Variants in XYLB observed in about 807,000 individuals in gnomAD.
The protein encoded by XYLB is xylulokinase.
A neutral mutation model predicts 78.7 loss-of-function variants in XYLB; 62 were observed. That is an observed-to-expected ratio of 0.79 (90% CI 0.64 to 0.97). The LOEUF (loss-of-function observed/expected upper bound fraction) is 0.97. Ranked by LOEUF, XYLB falls within the 50% of genes least tolerant of loss-of-function variation. The probability of loss-of-function intolerance (pLI) is 0.00; values close to 1 mark genes in which losing one functional copy is unlikely to be tolerated. For synonymous variants in XYLB, 245 were observed against 247.4 expected (o/e 0.99, Z 0.09); for missense variants, 687 against 676.8 (o/e 1.02, Z -0.17).
At chr3:38,421,786 G>T (rs1708986592), downstream of XYLB, among the ~76,000 whole-genome samples, 2 of 152,084 alleles carry the variant, frequency 1.3e-5, no homozygotes, top group Admixed American at 6.5e-5. Flanking sequence ...GTAGGGAGAG[G>T]TTTGTCCCTA....
chr3:38,380,424 C>A (rs891675476), intron 15 of XYLB, among the ~76,000 whole-genome samples: 8 of 152,100 alleles, frequency 5.3e-5, no homozygotes, highest in African/African-American at 1.9e-4. Flanking sequence ...CCTATAGAGT[C>A]CAGGTTTCTA....
intron 4 of XYLB, among the ~76,000 whole-genome samples, chr3:38,364,712 G>A (rs1214206588): frequency 3.5e-5 from 1 of 28,532 alleles, no homozygotes; most frequent in Non-Finnish European, 1.4e-4. Context: ...TGTCACTGCA[G>A]CTCCATAGGG....
At chr3:38,394,216 A>G (rs1317199545) in intron 15 of XYLB, among the ~76,000 whole-genome samples, 2 of 152,200 alleles carry the variant, frequency 1.3e-5, no homozygotes, top group African/African-American at 4.8e-5. Flanking sequence ...AACAATTTCA[A>G]CTTTTTCTTA....
chr3:38,374,911 A>G (rs1459065806), intron 11 of XYLB, among the ~76,000 whole-genome samples: 2 of 152,182 alleles, frequency 1.3e-5, no homozygotes, highest in African/African-American at 4.8e-5. Context: ...ATTTAGATGC[A>G]GTTGTGGGAA....
At chr3:38,354,139 T>C (rs1158661570) in intron 2 of XYLB, among the ~76,000 whole-genome samples, 2 of 151,686 alleles carry the variant, frequency 1.3e-5, no homozygotes, top group East Asian at 3.9e-4. Context: ...AGTGGCATGA[T>C]CTCGGCTCAC....
chr3:38,384,892 A>G (rs1316064752), intron 15 of XYLB, among the ~76,000 whole-genome samples: 1 of 152,178 alleles, frequency 6.6e-6, no homozygotes, highest in Admixed American at 6.5e-5. Flanking sequence ...CCATAACAGT[A>G]TGTACAGGTC....
intron 15 of XYLB, among the ~76,000 whole-genome samples, chr3:38,387,714 T>A (rs1707449307): frequency 6.6e-6 from 1 of 152,218 alleles, no homozygotes; most frequent in Non-Finnish European, 1.5e-5. Context: ...TATTCATGTT[T>A]CTGCTGTAGA....
intron 2 of XYLB, among the ~76,000 whole-genome samples, chr3:38,354,865 A>G (rs551345930): frequency 2.0e-5 from 3 of 152,330 alleles, no homozygotes; most frequent in South Asian, 2.1e-4. Flanking sequence ...AGAATTGACA[A>G]CTTTATGAGA....
intron 14 of XYLB, 136 bp from the exon 15 acceptor site, chr3:38,379,110 G>C: frequency 5.1e-6 from 4 of 778,628 alleles, no homozygotes; most frequent in Non-Finnish European, 8.8e-6. Flanking sequence ...GACAGGCAAA[G>C]ATAGTGGTTA....
chr3:38,442,511 G>A, the XYLB span, among the ~76,000 whole-genome samples: 1 of 152,182 alleles, frequency 6.6e-6, no homozygotes, highest in Non-Finnish European at 1.5e-5. Flanking sequence ...GGGAGTCACA[G>A]TGCAGGGGAA....
At chr3:38,430,987 A>G in the XYLB span, among the ~76,000 whole-genome samples, 2 of 152,192 alleles carry the variant, frequency 1.3e-5, no homozygotes, top group East Asian at 1.9e-4. Flanking sequence ...GTCAGGTAGC[A>G]TGATGCCTCC....
At chr3:38,407,553 T>A (rs1329340494) in intron 18 of XYLB, among the ~76,000 whole-genome samples, 1 of 151,516 alleles carries the variant, frequency 6.6e-6, no homozygotes, top group East Asian at 1.9e-4. Flanking sequence ...TAAATGTAAA[T>A]GGACTAAATG....
chr3:38,377,748 C>T (rs1706937721), intron 14 of XYLB, among the ~76,000 whole-genome samples: 1 of 152,134 alleles, frequency 6.6e-6, no homozygotes. Flanking sequence ...CTATCATTTA[C>T]TTTTCAAAGC....
chr3:38,377,939 A>G (rs922551222), intron 14 of XYLB, among the ~76,000 whole-genome samples: 1 of 152,168 alleles, frequency 6.6e-6, no homozygotes, highest in Admixed American at 6.5e-5. Flanking sequence ...GGAAGGATTT[A>G]GTTGGTTCTT....
At chr3:38,421,104 T>C (rs180888770), downstream of XYLB, 12 of 152,396 alleles carry the variant, frequency 7.9e-5, no homozygotes, top group African/African-American at 2.9e-4. Flanking sequence ...ACTGGCTTTC[T>C]GTCAATAAAT....
chr3:38,369,687 G>C (rs562029528), intron 8 of XYLB, among the ~76,000 whole-genome samples: 1 of 152,326 alleles, frequency 6.6e-6, no homozygotes, highest in African/African-American at 2.4e-5. Context: ...TGAAAAGTTA[G>C]ATGAGATTGA....
At chr3:38,378,429 A>G (rs1191883867) in intron 14 of XYLB, among the ~76,000 whole-genome samples, 1 of 152,220 alleles carries the variant, frequency 6.6e-6, no homozygotes, top group African/African-American at 2.4e-5. Flanking sequence ...GAGCATGTAC[A>G]TGAATGCAGC....
chr3:38,432,062 A>T, the XYLB span, among the ~76,000 whole-genome samples: 2 of 152,160 alleles, frequency 1.3e-5, no homozygotes, highest in African/African-American at 2.4e-5. Context: ...CACAGTCCCC[A>T]TGCAAGATTT....
intron 18 of XYLB, among the ~76,000 whole-genome samples, chr3:38,404,259 A>G (rs1708227192): frequency 6.6e-6 from 1 of 152,164 alleles, no homozygotes; most frequent in South Asian, 2.1e-4. Flanking sequence ...TATTTTACTC[A>G]TGGGGTCTAT....
Sources: allele counts gnomAD v4.1 joint callset (sites outside exome capture counted in the v4.1 genomes callset), GRCh38; gene constraint gnomAD v4.1.1; transcripts MANE v1.5; gene names NCBI Gene and HGNC (gene_info 2026-07-23, HGNC 2026-07-21).